CFH: variants seen among roughly 807,000 people sequenced by gnomAD.
CFH encodes the protein H factor 1 (complement).
CFH carries 53 observed loss-of-function variants against 147.3 expected under a neutral mutation model. That is an observed-to-expected ratio of 0.36 (90% CI 0.29 to 0.45). CFH has a LOEUF of 0.45. CFH is among the 20% of genes least tolerant of loss of function. The pLI, the probability that CFH is intolerant of heterozygous loss-of-function variation, is 1.00. For missense variants in CFH, 1,380 were observed against 1,498.0 expected, an observed-to-expected ratio of 0.92 and a Z score of 1.30; for synonymous variants, 536 against 489.4, an observed-to-expected ratio of 1.10 and a Z score of -1.26.
chr1:196,722,655 A>C (rs1669029173), intron 11 of CFH, among the ~76,000 whole-genome samples: 1 of 152,136 alleles, frequency 6.6e-6, no homozygotes, highest in Non-Finnish European at 1.5e-5. Flanking sequence ...GCAAGAGGAG[A>C]TAAATTTTCC....
At chr1:196,686,603 C>T (rs193058597) in intron 7 of CFH, among the ~76,000 whole-genome samples, 328 of 152,162 alleles carry the variant, frequency 2.2e-3, no homozygotes, top group Non-Finnish European at 3.8e-3. Flanking sequence ...TGATTAATGA[C>T]TTCAACTTTA....
chr1:196,668,503 C>T (rs966350483), intron 1 of CFH, among the ~76,000 whole-genome samples: 2 of 152,124 alleles, frequency 1.3e-5, no homozygotes, highest in African/African-American at 4.8e-5. Flanking sequence ...CCACCCAAAT[C>T]TCATCTTAAA....
At chr1:196,662,131 T>G (rs901753388) in intron 1 of CFH, among the ~76,000 whole-genome samples, 4 of 152,230 alleles carry the variant, frequency 2.6e-5, no homozygotes, top group Non-Finnish European at 5.9e-5. Flanking sequence ...AATGATCAGC[T>G]TGTTTAAAGT....
At chr1:196,657,184 A>G (rs1249713215) in intron 1 of CFH, among the ~76,000 whole-genome samples, 1 of 151,966 alleles carries the variant, frequency 6.6e-6, no homozygotes, top group Non-Finnish European at 1.5e-5. Flanking sequence ...AGTGTGACAT[A>G]ATCTCTATTC....
chr1:196,697,857 A>T (rs190584653), intron 9 of CFH, among the ~76,000 whole-genome samples: 129 of 152,184 alleles, frequency 8.5e-4, no homozygotes, highest in Admixed American at 2.4e-3. Flanking sequence ...CTTTGTAGGG[A>T]CATGGATGAA....
chr1:196,659,710 AC>A (rs904217243), intron 1 of CFH, among the ~76,000 whole-genome samples: 61 of 152,210 alleles, frequency 4.0e-4, no homozygotes, highest in African/African-American at 1.3e-3. Context: ...GTAATGGTAA[AC>A]TGTCATAGCA....
rs568157151 is a variant in CFH at position 196,696,581 on chromosome 1, A to G, written c.1336+6342A>G. ...GCTTGATGGGGATGGCATTGAATCTATAAATTACCTTTGGCAGCATGCCAT... is the reference window on the plus strand; with the variant it reads ...GCTTGATGGGGATGGCATTGAATCTGTAAATTACCTTTGGCAGCATGCCAT... On this transcript the variant is annotated intron_variant, in intron 9 of 21. Coordinates refer to ENST00000367429, the MANE Select transcript of CFH (RefSeq NM_000186.4). 3.3e-5 allele frequency among the ~76,000 whole-genome samples: 5 copies of G among 152,302 alleles called. No homozygotes were observed. In the South Asian group the frequency reaches 1.0e-3, roughly 32 times the overall value.
rs139571122 is a variant in CFH at position 196,743,489 on chromosome 1, T to G, written c.3171T>G (p.Ala1057=). Residue 1057 remains alanine (A), a synonymous_variant, in exon 20 of 22, where the codon GCT becomes GCG. Transcript: ENST00000367429. Reference sequence around the variant, plus strand: ...TGAATCCGCCCACAGTACAAAATGCTTATATAGTGTCGAGACAGATGAGTA... The same window carrying G: ...TGAATCCGCCCACAGTACAAAATGCGTATATAGTGTCGAGACAGATGAGTA... The part of the protein sequence containing the change: ...SCVNPPTVQN[A]YIVSRQMSKY... 7 of 1,613,954 alleles carry G rather than the reference T, an allele frequency of 4.3e-6. No homozygotes were observed. The African/African-American group carries it at 8.0e-5, about 18-fold the overall frequency.
chr1:196,699,154 A>G (rs895751552), intron 9 of CFH, among the ~76,000 whole-genome samples: 6 of 152,126 alleles, frequency 3.9e-5, no homozygotes, highest in Non-Finnish European at 7.4e-5. Flanking sequence ...CTGAGCGATC[A>G]TACATTGTAC....
intron 9 of CFH, among the ~76,000 whole-genome samples, chr1:196,705,774 T>A (rs1270478914): frequency 1.3e-5 from 2 of 152,122 alleles, no homozygotes; most frequent in Non-Finnish European, 2.9e-5. Flanking sequence ...AACCTAGCAC[T>A]GTACACACCC....
intron 9 of CFH, among the ~76,000 whole-genome samples, chr1:196,709,091 G>A (rs983642219): frequency 6.6e-6 from 1 of 152,144 alleles, no homozygotes; most frequent in Non-Finnish European, 1.5e-5. Context: ...ACCACCTGTT[G>A]TACTTATATC....
chr1:196,736,801 A>G, intron 15 of CFH, 23 bp from the exon 16 acceptor site: 1 of 1,150,068 alleles, frequency 8.7e-7, no homozygotes, highest in Non-Finnish European at 1.1e-6. Context: ...TATAACATTA[A>G]TTATATTTTT....
chr1:196,701,300 CT>C, intron 9 of CFH: 2 of 1,613,756 alleles, frequency 1.2e-6, no homozygotes, highest in Non-Finnish European at 1.7e-6. Context: ...TAATCATCTG[CT>C]CTTCAATCTT....
At chr1:196,670,543 T>C (rs1448576440) in intron 1 of CFH, among the ~76,000 whole-genome samples, 2 of 152,198 alleles carry the variant, frequency 1.3e-5, no homozygotes, top group African/African-American at 4.8e-5. Context: ...GCATTTCCCC[T>C]GTTTGCACTT....
chr1:196,669,560 C>G (rs1304495890), intron 1 of CFH, among the ~76,000 whole-genome samples: 1 of 152,324 alleles, frequency 6.6e-6, no homozygotes, highest in South Asian at 2.1e-4. Flanking sequence ...TGGGCCATTG[C>G]TTCAGATAAT....
chr1:196,696,241 A>G (rs1194213797), intron 9 of CFH, among the ~76,000 whole-genome samples: 1 of 152,142 alleles, frequency 6.6e-6, no homozygotes, highest in Non-Finnish European at 1.5e-5. Flanking sequence ...GCAAAAGAAC[A>G]AAAACCACAA....
chr1:196,726,999 CAAT>C (rs1573066874), intron 14 of CFH, 59 bp downstream of exon 14: 4 of 1,478,540 alleles, frequency 2.7e-6, no homozygotes, highest in South Asian at 2.3e-5. Context: ...ATTGTAACAA[CAAT>C]AATTGCAACT....
intron 11 of CFH, among the ~76,000 whole-genome samples, chr1:196,724,240 G>A (rs1669073275): frequency 6.6e-6 from 1 of 151,856 alleles, no homozygotes; most frequent in African/African-American, 2.4e-5. Flanking sequence ...CCACATCCAA[G>A]CAGGTGACAG....
intron 7 of CFH, among the ~76,000 whole-genome samples, chr1:196,687,304 A>G (rs1667860796): frequency 6.6e-6 from 1 of 152,078 alleles, no homozygotes; most frequent in Non-Finnish European, 1.5e-5. Flanking sequence ...AAGTCCTTCT[A>G]TTCTCAGCGC....
Sources: gnomAD v4.1 joint callset for allele counts (sites outside exome capture counted in the v4.1 genomes callset) on GRCh38, gnomAD v4.1.1 for gene constraint, MANE v1.5 for transcripts, NCBI Gene and HGNC (gene_info 2026-07-23, HGNC 2026-07-21) for gene names.